Variants in RNF40 observed in about 807,000 individuals in gnomAD.
RNF40 encodes E3 ubiquitin-protein ligase BRE1B.
In RNF40, 39 loss-of-function variants were observed where a neutral mutation model predicts 123.3. The observed-to-expected ratio is 0.32, with a 90% CI of 0.24 to 0.41. The LOEUF (loss-of-function observed/expected upper bound fraction) is 0.41, where lower values mean the gene tolerates loss of function less well. RNF40 is among the 10% of genes least tolerant of loss of function. The pLI is 1.00. For synonymous variants in RNF40, 538 were observed against 526.0 expected (o/e 1.02, Z -0.31); for missense variants, 1,003 against 1,319.9 (o/e 0.76, Z 3.72).
Position 30,762,666 on chromosome 16 carries a change from A to T in RNF40, c.121A>T (p.Ile41Phe). The change falls in exon 2 of 20, where the codon ATC becomes TTC. Residue 41 changes from isoleucine to phenylalanine, a missense_variant. Ile to Phe is a conservative substitution (Grantham distance 21). Around this residue, in one of 11 missense-constraint regions of RNF40, gnomAD observed 51 missense variants for 56.2 expected, o/e 0.91. Transcript: ENST00000324685. ...TLIEPIRLGG[I>F]SSTEEMDLKV... ...TATCGAGCCCATTCGTCTTGGAGGCATCTCTTCCACGGTTCGTGGGCTCTT... is the reference window on the plus strand; with the variant it reads ...TATCGAGCCCATTCGTCTTGGAGGCTTCTCTTCCACGGTTCGTGGGCTCTT... 1 of 1,612,424 alleles carries T rather than the reference A, an allele frequency of 6.2e-7. No homozygotes were observed. The highest frequency in any genetic ancestry group is 8.5e-7 in the Non-Finnish European group (1 of 1,179,444).
upstream of RNF40, chr16:30,762,039 C>CCCTCT (rs1441356798): frequency 6.2e-6 from 3 of 480,548 alleles, no homozygotes; most frequent in Non-Finnish European, 1.1e-5. Context: ...CACCTGGGCG[C>CCCTCT]CCTCTCTTCC....
chr16:30,768,615 C>T lies in RNF40; in HGVS notation c.1980-4C>T, dbSNP rs758070078. ...TAAGACTTCCTCCTGTACCTTCTTGCCAGGAAGGCCCAGGAGAGCCAGAAG... is the reference window on the plus strand; with the variant it reads ...TAAGACTTCCTCCTGTACCTTCTTGTCAGGAAGGCCCAGGAGAGCCAGAAG... On this transcript the variant is annotated splice_region_variant and splice_polypyrimidine_tract_variant and intron_variant, in intron 13 of 19. Transcript: ENST00000324685. The surrounding 1 kb of genome is among the most constrained non-coding windows in gnomAD (Gnocchi z 4.1). 3 of 1,614,094 alleles carry T rather than the reference C, an allele frequency of 1.9e-6. No homozygotes were observed. The highest frequency in any genetic ancestry group is 2.7e-5 in the African/African-American group (2 of 75,066).
At position 30,774,536 on chromosome 16, in the gene RNF40, C is replaced by T. The variant is rs1567290048; in HGVS notation, c.*422C>T. 3 of 224,234 alleles carry T rather than the reference C, an allele frequency of 1.3e-5. No homozygotes were observed. The highest frequency in any genetic ancestry group is 1.8e-5 in the Non-Finnish European group (2 of 110,992). The allele number at this position is 224,234 out of a possible 1,614,324, so 13.9% of individuals were successfully genotyped here. On this transcript the variant is annotated 3_prime_UTR_variant, in exon 20 of 20. Transcript: ENST00000324685. ...CAAATGAGGACCAGTGAGCCATGTC[C>T]TTGTTCCTTGTTTGAGACTGGGCTG...
chr16:30,775,085 G>A lies in RNF40; in HGVS notation c.*971G>A, dbSNP rs1474985026. The A allele has an allele frequency of 2.2e-6, 1 of 455,742 alleles. No homozygotes were observed. The highest frequency in any genetic ancestry group is 2.4e-5 in the Admixed American group (1 of 42,520). The allele number at this position is 455,742 out of a possible 1,614,324, so 28.2% of individuals were successfully genotyped here. On this transcript the variant is annotated 3_prime_UTR_variant, in exon 20 of 20. Coordinates refer to ENST00000324685, the MANE Select transcript of RNF40 (RefSeq NM_014771.4). ...GTGAGGGCAGTGCCCGGAGAGGCCA[G>A]AGGGTTGGAGCTGCAGGGACCCGTT...
rs777569324 is a variant in RNF40, at chr16:30,766,394, C to A, written c.1129C>A (p.Leu377Ile). Reference sequence around the variant, plus strand: ...CCTGCCCCAGGTGGCCCTGCGGAGCCTTCCTGAGGAGGTAGTGCGGGAGAC... The same window carrying A: ...CCTGCCCCAGGTGGCCCTGCGGAGCATTCCTGAGGAGGTAGTGCGGGAGAC... ...NERLKVALRS[L>I]PEEVVRETGE... is the part of the protein sequence containing the mutation. The change falls in exon 10 of 20, where the codon CTT (leucine) becomes ATT (isoleucine). Residue 377 changes from leucine (L) to isoleucine (I), a missense_variant. By Grantham distance (5) the Leu-to-Ile change is conservative. This residue lies in a region of RNF40 where 274 missense variants were observed against 356.9 expected (regional missense o/e 0.77). Transcript: ENST00000324685. The surrounding 1 kb of genome is among the most constrained non-coding windows in gnomAD (Gnocchi z 5.4). 3 of 1,613,274 alleles carry A rather than the reference C, an allele frequency of 1.9e-6. No homozygotes were observed. In the South Asian group the frequency reaches 3.3e-5, roughly 18 times the overall value.
intron 19 of RNF40, 87 bp downstream of exon 19, chr16:30,772,277 G>A: frequency 9.2e-7 from 1 of 1,088,712 alleles, no homozygotes; most frequent in Non-Finnish European, 1.4e-6. Flanking sequence ...TGGGGACCCT[G>A]GAAGTAATGT....
At position 30,772,167 on chromosome 16, in the gene RNF40, CAGG is replaced by C; in HGVS notation, c.2812_2814del (p.Glu938del). 6.4e-7 allele frequency: 1 copy of C among 1,552,670 alleles called. No individual in the cohort carries two copies. The highest frequency in any genetic ancestry group is 8.7e-7 in the Non-Finnish European group (1 of 1,147,524). On this transcript the variant is annotated inframe_deletion, in exon 19 of 20. Transcript: ENST00000324685. The stretch of plus-strand genomic sequence containing the variant: ...CTACGCAGATGCCGACGAAATCCTC[CAGG>C]AGGAGATCAAGGAGTACAAGGTGGG...
rs1167761525 is a variant in RNF40, at chr16:30,774,576, AC to A, written c.*463del. ...AGACTGGGCTGCAGGCCCCAGGAAG[AC>A]TTTCCTTCACCCACCATCCCCCTAA... On this transcript the variant is annotated 3_prime_UTR_variant, in exon 20 of 20. Coordinates refer to ENST00000324685, the MANE Select transcript of RNF40 (RefSeq NM_014771.4). 4.5e-6 allele frequency: 1 copy of A among 223,994 alleles called. No homozygotes were observed. The highest frequency in any genetic ancestry group is 9.1e-6 in the Non-Finnish European group (1 of 110,488). 13.9% of individuals were successfully genotyped at this position (223,994 alleles called of 1,614,324 possible).
Position 30,772,100 on chromosome 16 carries a change from A to ACGGCTG in RNF40, c.2744_2749dup (p.Leu915_Arg916dup). The ACGGCTG allele has an allele frequency of 1.3e-6, 2 of 1,561,092 alleles. No individual in the cohort carries two copies. Among genetic ancestry groups the ACGGCTG allele is most frequent in the Non-Finnish European group, 1.7e-6 (2 of 1,152,406 alleles). On this transcript the variant is annotated inframe_insertion, in exon 19 of 20. Coordinates refer to ENST00000324685, the MANE Select transcript of RNF40 (RefSeq NM_014771.4). ...CTCTCCTGCCCCAGGAGGACATCTC[A>ACGGCTG]CGGCTGCGGCGCAAGCTGGAAAAGC...
In RNF40 at chr16:30,774,095, A is replaced by G; in HGVS notation, c.2987A>G (p.His996Arg). 1.2e-6 allele frequency: 2 copies of G among 1,613,656 alleles called. No individual in the cohort carries two copies. Among genetic ancestry groups the G allele is most frequent in the Non-Finnish European group, 1.7e-6 (2 of 1,179,662 alleles). ...GCGGCCTTTGGTGCCCACGACTTCCATCGTATCTACATCAGCTGAACCTGA... is the reference window on the plus strand; with the variant it reads ...GCGGCCTTTGGTGCCCACGACTTCCGTCGTATCTACATCAGCTGAACCTGA... ...CNAAFGAHDF[H>R]RIYIS is the part of the protein sequence containing the mutation. The change falls in exon 20 of 20, where the codon CAT (histidine) becomes CGT (arginine). Residue 996 changes from histidine (H) to arginine (R), a missense_variant. By Grantham distance (29) the His-to-Arg change is conservative. Coordinates refer to ENST00000324685, the MANE Select transcript of RNF40 (RefSeq NM_014771.4).
chr16:30,773,662 A>T (rs2054185539), intron 19 of RNF40: 1 of 348,848 alleles, frequency 2.9e-6, no homozygotes, highest in African/African-American at 2.1e-5. Context: ...GGCAGAGTCC[A>T]GGCTGGGCCT....
In RNF40 at chr16:30,768,152, A is replaced by G; in HGVS notation, c.1601A>G (p.His534Arg). The G allele has an allele frequency of 6.2e-7, 1 of 1,609,336 alleles. No homozygotes were observed. Among genetic ancestry groups the G allele is most frequent in the African/African-American group, 1.3e-5 (1 of 74,904 alleles). The change falls in exon 13 of 20, where the codon CAC (histidine) becomes CGC (arginine). Residue 534 changes from histidine (H) to arginine (R), a missense_variant. Physicochemically the swap from His to Arg is conservative, Grantham distance 29 (BLOSUM62 0). This residue lies in a region of RNF40 where 295 missense variants were observed against 331.7 expected (regional missense o/e 0.89). Transcript: ENST00000324685. The surrounding 1 kb of genome is among the most constrained non-coding windows in gnomAD (Gnocchi z 4.1). ...GCCCACTCCACCCCCAACCTGGGCC[A>G]CCCAGAGGATTCTGGCGTCAGTGCC... ...GSAHSTPNLG[H>R]PEDSGVSAPA... is the part of the protein sequence containing the mutation.
At position 30,763,503 on chromosome 16, in the gene RNF40, A is replaced by T. The variant is rs1331453001; in HGVS notation, c.386A>T (p.Glu129Val). ...GCGCCTGAGGCACCTGGGACCCAGG[A>T]GGGGCCAACATGTGATGGGACTCCT... Reference protein sequence around the residue: ...SSAPEAPGTQEGPTCDGTPLP... With the variant: ...SSAPEAPGTQVGPTCDGTPLP... Residue 129 changes from glutamate to valine, a missense_variant, in exon 4 of 20, where the codon GAG (glutamate) becomes GTG (valine). Physicochemically the swap from Glu to Val is moderately radical, Grantham distance 121. Transcript: ENST00000324685. 6.2e-7 allele frequency: 1 copy of T among 1,614,094 alleles called. No individual in the cohort carries two copies. Among genetic ancestry groups the T allele is most frequent in the South Asian group, 1.1e-5 (1 of 91,082 alleles).
rs747124174 is a variant in RNF40 at position 30,763,541 on chromosome 16, G to C, written c.424G>C (p.Gly142Arg). 6.2e-7 allele frequency: 1 copy of C among 1,614,128 alleles called. No individual in the cohort carries two copies. The highest frequency in any genetic ancestry group is 8.5e-7 in the Non-Finnish European group (1 of 1,180,040). The change falls in exon 4 of 20, where the codon GGG becomes CGG. Residue 142 changes from glycine to arginine, a missense_variant. Gly to Arg is a moderately radical substitution (Grantham distance 125). Coordinates refer to ENST00000324685, the MANE Select transcript of RNF40 (RefSeq NM_014771.4). ...TGATGGGACTCCTCTCCCAGAGCCG[G>C]GGACATCAGAGCTGAGAGGTAGGAC... ...TCDGTPLPEP[G>R]TSELRDPLLM...
At position 30,772,074 on chromosome 16, in the gene RNF40, C is replaced by T; in HGVS notation, c.2728-15C>T. 6.4e-7 allele frequency: 1 copy of T among 1,566,794 alleles called. No individual in the cohort carries two copies. Among genetic ancestry groups the T allele is most frequent in the Non-Finnish European group, 8.7e-7 (1 of 1,155,588 alleles). On this transcript the variant is annotated splice_polypyrimidine_tract_variant and intron_variant, in intron 18 of 19. Coordinates refer to ENST00000324685, the MANE Select transcript of RNF40 (RefSeq NM_014771.4). ...TTGAGGACCCTTGCCCTTAGCCAGG[C>T]CTCTCCTGCCCCAGGAGGACATCTC...
rs557532416 is a variant in RNF40, at chr16:30,775,072, C to T, written c.*958C>T. 8.8e-6 allele frequency: 4 copies of T among 456,146 alleles called. No homozygotes were observed. Among genetic ancestry groups the T allele is most frequent in the Non-Finnish European group, 1.8e-5 (4 of 226,544 alleles). The allele number at this position is 456,146 out of a possible 1,614,324, so 28.3% of individuals were successfully genotyped here. ...TGCTCCATCGGCTGTGAGGGCAGTGCCCGGAGAGGCCAGAGGGTTGGAGCT... is the reference window on the plus strand; with the variant it reads ...TGCTCCATCGGCTGTGAGGGCAGTGTCCGGAGAGGCCAGAGGGTTGGAGCT... On this transcript the variant is annotated 3_prime_UTR_variant, in exon 20 of 20. Coordinates refer to ENST00000324685, the MANE Select transcript of RNF40 (RefSeq NM_014771.4).
Position 30,764,341 on chromosome 16 carries a change from T to G in RNF40, c.605T>G (p.Leu202Arg). The G allele has an allele frequency of 6.2e-7, 1 of 1,613,786 alleles. No homozygotes were observed. ...VSRVVEASDR[L>R]QRRVEELCQR... Reference sequence around the variant, plus strand: ...CGTGTGGTAGAGGCCTCAGACCGCCTACAGCGCCGGGTGGAGGAACTCTGT... The same window carrying G: ...CGTGTGGTAGAGGCCTCAGACCGCCGACAGCGCCGGGTGGAGGAACTCTGT... Residue 202 changes from leucine (L) to arginine (R), a missense_variant, in exon 5 of 20, where the codon CTA becomes CGA. By Grantham distance (102) the Leu-to-Arg change is moderately radical (BLOSUM62 -2). This residue lies in a region of RNF40 where 274 missense variants were observed against 356.9 expected (regional missense o/e 0.77). Coordinates refer to ENST00000324685, the MANE Select transcript of RNF40 (RefSeq NM_014771.4).
Position 30,763,506 on chromosome 16 carries a change from G to C in RNF40, c.389G>C (p.Gly130Ala), listed in dbSNP as rs1314530349. 6.2e-7 allele frequency: 1 copy of C among 1,614,136 alleles called. No homozygotes were observed. Among genetic ancestry groups the C allele is most frequent in the Non-Finnish European group, 8.5e-7 (1 of 1,180,032 alleles). The change falls in exon 4 of 20, where the codon GGG becomes GCG. Residue 130 changes from glycine (G) to alanine (A), a missense_variant. Physicochemically the swap from Gly to Ala is moderately conservative, Grantham distance 60. This residue lies in a region of RNF40 where 104 missense variants were observed against 85.2 expected (regional missense o/e 1.22). Coordinates refer to ENST00000324685, the MANE Select transcript of RNF40 (RefSeq NM_014771.4). ...SAPEAPGTQE[G>A]PTCDGTPLPE... Reference sequence around the variant, plus strand: ...CCTGAGGCACCTGGGACCCAGGAGGGGCCAACATGTGATGGGACTCCTCTC... The same window carrying C: ...CCTGAGGCACCTGGGACCCAGGAGGCGCCAACATGTGATGGGACTCCTCTC...
At position 30,762,668 on chromosome 16, in the gene RNF40, C is replaced by T. The variant is rs772714781; in HGVS notation, c.123C>T (p.Ile41=). Residue 41 remains isoleucine (I), a synonymous_variant, in exon 2 of 20, where the codon ATC becomes ATT. Transcript: ENST00000324685. ...TLIEPIRLGG[I]SSTEEMDLKV... is the part of the protein sequence containing the mutation. ...TCGAGCCCATTCGTCTTGGAGGCAT[C>T]TCTTCCACGGTTCGTGGGCTCTTGC... is the stretch of plus-strand genomic sequence containing the variant. 1 of 1,613,130 alleles carries T rather than the reference C, an allele frequency of 6.2e-7. No homozygotes were observed. The highest frequency in any genetic ancestry group is 1.1e-5 in the South Asian group (1 of 90,948).
Sources: allele counts gnomAD v4.1 joint callset, GRCh38; gene constraint gnomAD v4.1.1; regional missense constraint gnomAD v4.1.1; non-coding constraint Gnocchi (gnomAD v3.1); transcripts MANE v1.5; gene names NCBI Gene and HGNC (gene_info 2026-07-23, HGNC 2026-07-21).